Variants in PRKCA observed in about 807,000 individuals in gnomAD.
PRKCA encodes the protein protein kinase C alpha type.
PRKCA carries 27 observed loss-of-function variants against 87.0 expected under a neutral mutation model. The observed-to-expected ratio is 0.31, with a 90% CI of 0.23 to 0.43. The LOEUF (loss-of-function observed/expected upper bound fraction) is 0.43. Ranked by LOEUF, PRKCA falls within the 20% of genes least tolerant of loss-of-function variation. PRKCA has a pLI of 1.00. For synonymous variants in PRKCA, 329 were observed against 311.1 expected (o/e 1.06, Z -0.61); for missense variants, 518 against 852.3 (o/e 0.61, Z 4.88).
intron 8 of PRKCA, among the ~76,000 whole-genome samples, chr17:66,719,372 A>G (rs1432145020): frequency 2.6e-5 from 4 of 152,224 alleles, no homozygotes; most frequent in African/African-American, 9.7e-5. Flanking sequence ...AAATCATGAA[A>G]AGAAAGGATT....
intron 2 of PRKCA, among the ~76,000 whole-genome samples, chr17:66,468,318 G>A (rs1055585032): frequency 1.3e-5 from 2 of 152,096 alleles, no homozygotes; most frequent in Non-Finnish European, 2.9e-5. Context: ...AACATCACAG[G>A]GTGTCTCTGT....
chr17:66,686,451 A>G (rs1434473429), intron 5 of PRKCA, among the ~76,000 whole-genome samples: 1 of 152,200 alleles, frequency 6.6e-6, no homozygotes, highest in Non-Finnish European at 1.5e-5. Flanking sequence ...TCTGAGTTAC[A>G]ACTGTATACA....
intron 2 of PRKCA, among the ~76,000 whole-genome samples, chr17:66,322,985 T>G (rs775988858): frequency 1.3e-5 from 2 of 152,254 alleles, no homozygotes; most frequent in Admixed American, 1.3e-4. Flanking sequence ...ATCACTATTA[T>G]GACTTTTAGA....
chr17:66,786,720 C>G, intron 14 of PRKCA, 147 bp from the exon 15 acceptor site: 1 of 608,482 alleles, frequency 1.6e-6, no homozygotes. Flanking sequence ...ATCAAATAAA[C>G]CGTCAAGTTA....
intron 3 of PRKCA, among the ~76,000 whole-genome samples, chr17:66,532,561 C>G (rs1336020042): frequency 2.6e-5 from 4 of 151,756 alleles, no homozygotes; most frequent in African/African-American, 9.7e-5. Flanking sequence ...ATACAGAGTT[C>G]ATAGCCAGGC....
At chr17:66,651,712 G>A (rs73994253) in intron 5 of PRKCA, among the ~76,000 whole-genome samples, 7,805 of 152,234 alleles carry the variant, frequency 0.051, 678 homozygotes, top group African/African-American at 0.18. Flanking sequence ...TGCTCCTTTG[G>A]TTTGGGATGG....
chr17:66,470,483 C>T (rs1350342074), intron 2 of PRKCA, among the ~76,000 whole-genome samples: 1 of 152,036 alleles, frequency 6.6e-6, no homozygotes, highest in East Asian at 1.9e-4. Flanking sequence ...CCGCCTCGGC[C>T]TCCCAAAGTG....
chr17:66,549,414 C>T (rs1223196709), intron 3 of PRKCA, among the ~76,000 whole-genome samples: 1 of 152,150 alleles, frequency 6.6e-6, no homozygotes, highest in Non-Finnish European at 1.5e-5. Context: ...CAGCAGGTTG[C>T]TCCCTTCTGC....
chr17:66,495,920 A>C (rs2144110424), intron 2 of PRKCA, among the ~76,000 whole-genome samples: 1 of 152,218 alleles, frequency 6.6e-6, no homozygotes, highest in Admixed American at 6.5e-5. Context: ...ACTTTGGGAA[A>C]CTGTCTTACA....
intron 14 of PRKCA, chr17:66,774,499 T>C (rs61762763): frequency 0.05 from 33,560 of 675,942 alleles, 1,338 homozygotes; most frequent in East Asian, 0.2. Context: ...TGCACATCTG[T>C]AAACTCAGCT....
chr17:66,791,934 C>T (rs1023121720), intron 16 of PRKCA, among the ~76,000 whole-genome samples: 2 of 152,214 alleles, frequency 1.3e-5, no homozygotes, highest in Non-Finnish European at 2.9e-5. Flanking sequence ...AATGTGTTTA[C>T]AGAGCTGAGC....
intron 2 of PRKCA, among the ~76,000 whole-genome samples, chr17:66,398,827 G>C (rs1910838821): frequency 6.6e-6 from 1 of 152,164 alleles, no homozygotes; most frequent in South Asian, 2.1e-4. Flanking sequence ...ATGCAATTAG[G>C]ATCCTGCTGC....
At chr17:66,623,147 C>T (rs1970739941) in intron 3 of PRKCA, among the ~76,000 whole-genome samples, 1 of 152,212 alleles carries the variant, frequency 6.6e-6, no homozygotes, top group Admixed American at 6.5e-5. Context: ...ACCAGAATGC[C>T]TGTGTTATCA....
intron 2 of PRKCA, among the ~76,000 whole-genome samples, chr17:66,322,465 C>A (rs970623633): frequency 6.6e-6 from 1 of 151,780 alleles, no homozygotes; most frequent in African/African-American, 2.4e-5. Context: ...AAATAAAATT[C>A]TTTAAATTTT....
At chr17:66,563,172 C>G (rs1435942814) in intron 3 of PRKCA, among the ~76,000 whole-genome samples, 1 of 152,130 alleles carries the variant, frequency 6.6e-6, no homozygotes, top group African/African-American at 2.4e-5. Flanking sequence ...TTTCTTACAA[C>G]TGATGCAATA....
chr17:66,729,777 A>ATTT (rs1973840673), intron 8 of PRKCA, among the ~76,000 whole-genome samples: 5 of 81,018 alleles, frequency 6.2e-5, no homozygotes, highest in African/African-American at 1.6e-4. Context: ...TGAGCGAGTT[A>ATTT]TTCTTTTTTT....
chr17:66,665,498 AAG>A (rs1164487032), intron 5 of PRKCA, among the ~76,000 whole-genome samples: 1 of 112,978 alleles, frequency 8.9e-6, no homozygotes, highest in African/African-American at 3.0e-5. Flanking sequence ...TAGGAGTGGC[AAG>A]AGGGGGTCCA....
In PRKCA at chr17:66,797,388, C is replaced by A. The variant is rs542041829; in HGVS notation, c.1855-6485C>A. The stretch of plus-strand genomic sequence containing the variant: ...AGTTTGACCAAATGGGTAGGAATAT[C>A]AAAAACGACAAAGGAGTTCATTCCT... On this transcript the variant is annotated intron_variant, in intron 16 of 16. Coordinates refer to ENST00000413366, the MANE Select transcript of PRKCA (RefSeq NM_002737.3). Among the ~76,000 whole-genome samples, 6 of 152,346 alleles carry A rather than the reference C, an allele frequency of 3.9e-5. No individual in the cohort carries two copies. In the East Asian group the frequency reaches 1.2e-3, roughly 29 times the overall value.
intron 3 of PRKCA, among the ~76,000 whole-genome samples, chr17:66,500,471 C>T (rs1400014260): frequency 1.3e-5 from 2 of 152,140 alleles, no homozygotes. Context: ...TTCTGAATAC[C>T]ATTTTTCTGC....
Sources: gnomAD v4.1 joint callset for allele counts (sites outside exome capture counted in the v4.1 genomes callset) on GRCh38, gnomAD v4.1.1 for gene constraint, MANE v1.5 for transcripts, NCBI Gene and HGNC (gene_info 2026-07-23, HGNC 2026-07-21) for gene names.